Variants in COL24A1 observed in about 807,000 individuals in gnomAD.
COL24A1 encodes collagen type XXIV alpha 1 chain.
Under a neutral mutation model 253.9 loss-of-function variants are expected in COL24A1, and 224 were observed. The ratio of observed to expected loss-of-function variants is 0.88; its 90% CI spans 0.79 to 0.99. The LOEUF is 0.99. Among genes scored for constraint, COL24A1 ranks in the 50% least tolerant of loss-of-function variants. COL24A1 has a pLI of 0.00. For missense variants in COL24A1, 2,131 were observed against 2,068.5 expected (o/e 1.03, Z -0.59); for synonymous variants, 685 against 673.7 (o/e 1.02, Z -0.26).
chr1:86,065,009 GT>G (rs1701367624), intron 7 of COL24A1, among the ~76,000 whole-genome samples: 1 of 152,138 alleles, frequency 6.6e-6, no homozygotes, highest in Non-Finnish European at 1.5e-5. Context: ...ACAAAGCTAA[GT>G]TTTTTCACTT....
At chr1:85,849,037 A>G (rs1677464866) in intron 38 of COL24A1, among the ~76,000 whole-genome samples, 1 of 152,174 alleles carries the variant, frequency 6.6e-6, no homozygotes, top group Admixed American at 6.5e-5. Flanking sequence ...GAAAAGCACA[A>G]ATGGTATAGT....
At chr1:85,804,503 G>T (rs998286418) in intron 47 of COL24A1, among the ~76,000 whole-genome samples, 2 of 152,100 alleles carry the variant, frequency 1.3e-5, no homozygotes, top group Non-Finnish European at 2.9e-5. Flanking sequence ...CCTGAGACTG[G>T]GCAATTTACA....
chr1:85,771,430 T>C (rs399514), intron 53 of COL24A1, among the ~76,000 whole-genome samples: 138,955 of 152,192 alleles, frequency 0.91, 63,839 homozygotes, highest in Non-Finnish European at 0.96. Context: ...AGAACATGAA[T>C]TCATCCTTTT....
chr1:85,979,908 C>A (rs1693076839), intron 20 of COL24A1, among the ~76,000 whole-genome samples: 1 of 152,044 alleles, frequency 6.6e-6, no homozygotes, highest in Non-Finnish European at 1.5e-5. Context: ...GAACAATATC[C>A]CTGATGAATA....
chr1:86,025,955 C>G (rs1036728107), intron 14 of COL24A1, among the ~76,000 whole-genome samples: 1 of 152,128 alleles, frequency 6.6e-6, no homozygotes, highest in African/African-American at 2.4e-5. Context: ...TCTGAGATAA[C>G]AGAAATTGCT....
chr1:86,112,651 G>A (rs1360495028), intron 4 of COL24A1, 31 bp from the exon 5 acceptor site: 2 of 1,593,910 alleles, frequency 1.3e-6, no homozygotes, highest in East Asian at 2.2e-5. Flanking sequence ...CATCATTCTT[G>A]GAACATACTG....
chr1:86,102,567 C>G (rs766766472), intron 5 of COL24A1, among the ~76,000 whole-genome samples: 2 of 152,124 alleles, frequency 1.3e-5, no homozygotes, highest in Non-Finnish European at 2.9e-5. Context: ...GGTAGAGATT[C>G]TGATATTCGT....
rs551771296 is a variant in COL24A1, at chr1:86,120,012, C to G, written c.1492-4634G>C. ...ACACATCTACAACTATCTGATCTTT[C>G]ACAAACCTGACAAAAACAAGAAATG... On this transcript the variant is annotated intron_variant, in intron 3 of 59. Coordinates refer to ENST00000370571, the MANE Select transcript of COL24A1 (RefSeq NM_152890.7). Among the ~76,000 whole-genome samples, 350 of 152,180 alleles carry G rather than the reference C, an allele frequency of 2.3e-3. 1 individual carries two copies. The highest frequency in any genetic ancestry group is 7.9e-3 in the African/African-American group (329 of 41,538).
intron 12 of COL24A1, among the ~76,000 whole-genome samples, chr1:86,044,347 T>C (rs1699738437): frequency 6.6e-6 from 1 of 152,210 alleles, no homozygotes. Flanking sequence ...CATGTGGCTA[T>C]AACTGTATTT....
At chr1:85,828,828 A>T (rs1674760238) in intron 43 of COL24A1, among the ~76,000 whole-genome samples, 1 of 146,758 alleles carries the variant, frequency 6.8e-6, no homozygotes, top group South Asian at 2.3e-4. Flanking sequence ...TCTGCACATG[A>T]GATGGGTTTC....
At chr1:85,902,532 G>A (rs1270688868) in intron 28 of COL24A1, among the ~76,000 whole-genome samples, 3 of 152,140 alleles carry the variant, frequency 2.0e-5, no homozygotes, top group African/African-American at 7.2e-5. Context: ...TCACTCTCTT[G>A]TAAAGATCCC....
rs375443114 is a variant in COL24A1 at position 85,841,313 on chromosome 1, A to G, written c.3571-35T>C. The G allele has an allele frequency of 4.3e-6, 6 of 1,408,512 alleles. No individual in the cohort carries two copies. In the African/African-American group the frequency reaches 7.3e-5, roughly 17 times the overall value. The allele number at this position is 1,408,512 out of a possible 1,614,324, so 87.3% of individuals were successfully genotyped here. ...AATAATGATTTATAAACAAAACTCA[A>G]TAAATAAAATAAACATCAAAAACAC... On this transcript the variant is annotated intron_variant, in intron 41 of 59. Coordinates refer to ENST00000370571, the MANE Select transcript of COL24A1 (RefSeq NM_152890.7).
At chr1:86,116,693 CTT>C (rs957154198) in intron 3 of COL24A1, among the ~76,000 whole-genome samples, 36 of 152,202 alleles carry the variant, frequency 2.4e-4, no homozygotes, top group African/African-American at 8.2e-4. Flanking sequence ...GAAACTTTCT[CTT>C]TTATTAGAGT....
intron 5 of COL24A1, among the ~76,000 whole-genome samples, chr1:86,102,102 T>C (rs1704513483): frequency 6.6e-6 from 1 of 152,048 alleles, no homozygotes; most frequent in Non-Finnish European, 1.5e-5. Context: ...CAATTTCTTC[T>C]GGGTTCATTC....
chr1:85,735,720 G>C (rs190073925), intron 58 of COL24A1, among the ~76,000 whole-genome samples: 86 of 152,092 alleles, frequency 5.7e-4, no homozygotes, highest in African/African-American at 2.0e-3. Context: ...GGCTTGAACA[G>C]GAAGGCAGAT....
At chr1:86,045,822 A>G (rs933359964) in intron 12 of COL24A1, 5 of 436,112 alleles carry the variant, frequency 1.1e-5, no homozygotes, top group Non-Finnish European at 2.3e-5. Context: ...TAAACTTTAA[A>G]ATAACTGTAT....
intron 52 of COL24A1, among the ~76,000 whole-genome samples, chr1:85,778,025 C>CTATCTATCTATT: frequency 7.1e-6 from 1 of 140,282 alleles, no homozygotes; most frequent in Admixed American, 6.8e-5. Context: ...GTCTCTATCT[C>CTATCTATCTATT]TATCTATCTA....
intron 5 of COL24A1, among the ~76,000 whole-genome samples, chr1:86,106,365 G>C (rs1485297626): frequency 6.6e-6 from 1 of 151,946 alleles, no homozygotes; most frequent in East Asian, 1.9e-4. Context: ...ATTAAGGCTA[G>C]ATGTTTTCAT....
intron 5 of COL24A1, among the ~76,000 whole-genome samples, chr1:86,108,312 T>C (rs1390030943): frequency 6.6e-6 from 1 of 152,210 alleles, no homozygotes; most frequent in East Asian, 1.9e-4. Context: ...TAATTTTAGT[T>C]TGATACAAAG....
Sources: gnomAD v4.1 joint callset for allele counts (sites outside exome capture counted in the v4.1 genomes callset) on GRCh38, gnomAD v4.1.1 for gene constraint, MANE v1.5 for transcripts, NCBI Gene and HGNC (gene_info 2026-07-23, HGNC 2026-07-21) for gene names.